PKHD1: variants seen among roughly 807,000 people sequenced by gnomAD.
PKHD1 encodes fibrocystin.
In PKHD1, 291 loss-of-function variants were observed where a neutral mutation model predicts 412.0. The ratio of observed to expected loss-of-function variants is 0.71; its 90% CI spans 0.64 to 0.78. The LOEUF (loss-of-function observed/expected upper bound fraction) is 0.78. Ranked by LOEUF, PKHD1 falls within the 30% of genes least tolerant of loss-of-function variation. The pLI, the probability that PKHD1 is intolerant of heterozygous loss-of-function variation, is 0.00. For synonymous variants in PKHD1, 1,777 were observed against 1,821.5 expected (o/e 0.98, Z 0.62); for missense variants, 4,825 against 4,950.7 (o/e 0.97, Z 0.76).
intron 60 of PKHD1, among the ~76,000 whole-genome samples, chr6:51,705,700 G>A (rs1025912766): frequency 4.6e-5 from 7 of 152,034 alleles, no homozygotes; most frequent in Non-Finnish European, 8.8e-5. Context: ...TTTACTGACA[G>A]CAATTTTCTA....
chr6:52,061,156 AC>A (rs1808610508), intron 14 of PKHD1, among the ~76,000 whole-genome samples: 3 of 152,166 alleles, frequency 2.0e-5, no homozygotes, highest in Admixed American at 2.0e-4. Flanking sequence ...ATTAGGTGCT[AC>A]AATGGACCAC....
In PKHD1 at chr6:51,870,921, G is replaced by GA. The variant is rs575047463; in HGVS notation, c.7351-283dup. Among the ~76,000 whole-genome samples, 103 of 147,096 alleles carry GA rather than the reference G, an allele frequency of 7.0e-4. 1 individual carries two copies. Among genetic ancestry groups the GA allele is most frequent in the South Asian group, 5.1e-3 (24 of 4,696 alleles). On this transcript the variant is annotated intron_variant, in intron 46 of 66. Coordinates refer to ENST00000371117, the MANE Select transcript of PKHD1 (RefSeq NM_138694.4). ...AATATACAGATAGCAAATAAGCACA[G>GA]AAAAAAAAAATGTTCAACATCATTA...
At chr6:51,830,373 T>C (rs1220023008) in intron 52 of PKHD1, among the ~76,000 whole-genome samples, 2 of 152,186 alleles carry the variant, frequency 1.3e-5, no homozygotes, top group African/African-American at 4.8e-5. Context: ...GATACATAGA[T>C]AGGTATTTTT....
intron 60 of PKHD1, among the ~76,000 whole-genome samples, chr6:51,739,752 T>C (rs1020949908): frequency 3.3e-5 from 5 of 152,214 alleles, no homozygotes; most frequent in Non-Finnish European, 7.3e-5. Flanking sequence ...AAGGTGCTCA[T>C]GCAATGCTAG....
At chr6:51,868,142 A>C in intron 47 of PKHD1, 33 bp from the exon 48 acceptor site, 1 of 1,570,076 alleles carries the variant, frequency 6.4e-7, no homozygotes, top group Middle Eastern at 1.7e-4. Flanking sequence ...ATTATTACAC[A>C]ATGGCACAAA....
At position 51,748,027 on chromosome 6, in the gene PKHD1, G is replaced by T; in HGVS notation, c.9589C>A (p.Gln3197Lys). 1 of 1,614,040 alleles carries T rather than the reference G, an allele frequency of 6.2e-7. No individual in the cohort carries two copies. Residue 3197 changes from glutamine to lysine, a missense_variant, in exon 58 of 67, where the codon CAG becomes AAG. Transcript: ENST00000371117. ...SAPQNSVKKV[Q>K]IVLRNSVIVA... ...ATGACTGAATTCCTAAGCACAATCT[G>T]CACTTTTTTGACGGAATTTTGTGGA... is the stretch of plus-strand genomic sequence containing the variant.
At chr6:51,974,025 T>C (rs1239861061) in intron 35 of PKHD1, among the ~76,000 whole-genome samples, 1 of 152,198 alleles carries the variant, frequency 6.6e-6, no homozygotes, top group East Asian at 1.9e-4. Flanking sequence ...TAAAATTTTC[T>C]TGATAGAGCA....
At position 52,061,079 on chromosome 6, in the gene PKHD1, A is replaced by G. The variant is rs73739126; in HGVS notation, c.1119-1037T>C. On this transcript the variant is annotated intron_variant, in intron 14 of 66. Transcript: ENST00000371117. ...TCCTTAACACTCCCAAATACACCAA[A>G]TGCAGCTGAAAGATTTTCCTTTGAA... Among the ~76,000 whole-genome samples, 1,312 of 152,292 alleles carry G rather than the reference A, an allele frequency of 8.6e-3. 21 individuals carry two copies. Among genetic ancestry groups the G allele is most frequent in the African/African-American group, 0.029 (1,215 of 41,544 alleles).
At chr6:51,724,574 A>G (rs181655434) in intron 60 of PKHD1, among the ~76,000 whole-genome samples, 1 of 152,316 alleles carries the variant, frequency 6.6e-6, no homozygotes, top group East Asian at 1.9e-4. Flanking sequence ...ATTACTATCT[A>G]TCTATCTATC....
chr6:52,025,119 T>C lies in PKHD1; in HGVS notation c.4691A>G (p.Asn1564Ser), dbSNP rs1352080720. 2 of 1,614,036 alleles carry C rather than the reference T, an allele frequency of 1.2e-6. No individual in the cohort carries two copies. The highest frequency in any genetic ancestry group is 2.7e-5 in the African/African-American group (2 of 74,912). The change falls in exon 32 of 67, where the codon AAT becomes AGT. Residue 1564 changes from asparagine (N) to serine (S), a missense_variant. By Grantham distance (46) the Asn-to-Ser change is conservative. Transcript: ENST00000371117. Reference sequence around the variant, plus strand: ...CATAATGTAGAAGTGTCTGGAAACATTACCAGAACAAGCATACCCATTTCT... The same window carrying C: ...CATAATGTAGAAGTGTCTGGAAACACTACCAGAACAAGCATACCCATTTCT... ...YTRNGYACSGNVSRHFYIMPQ... is the reference protein window; with the variant it reads ...YTRNGYACSGSVSRHFYIMPQ...
chr6:51,764,702 A>G (rs1788680580), intron 55 of PKHD1, among the ~76,000 whole-genome samples: 2 of 152,162 alleles, frequency 1.3e-5, no homozygotes, highest in African/African-American at 4.8e-5. Flanking sequence ...AAAATTCTTG[A>G]TATTGCCAAT....
At position 51,802,411 on chromosome 6, in the gene PKHD1, T is replaced by C. The variant is rs529212153; in HGVS notation, c.8303-11038A>G. ...CATTGTTAATGAATTCTAACTAACA[T>C]GAGGTTTGGAGATAAAATCCCTCTC... is the stretch of plus-strand genomic sequence containing the variant. On this transcript the variant is annotated intron_variant, in intron 52 of 66. Coordinates refer to ENST00000371117, the MANE Select transcript of PKHD1 (RefSeq NM_138694.4). Among the ~76,000 whole-genome samples, 14 of 151,642 alleles carry C rather than the reference T, an allele frequency of 9.2e-5. No homozygotes were observed. The South Asian group carries it at 2.5e-3, about 27-fold the overall frequency.
At position 52,050,193 on chromosome 6, in the gene PKHD1, G is replaced by A. The variant is rs141622697; in HGVS notation, c.2243C>T (p.Ala748Val). 1.2e-4 allele frequency: 201 copies of A among 1,614,112 alleles called. No homozygotes were observed. The African/African-American group carries it at 2.3e-3, about 18-fold the overall frequency. ...PPVYSVTSWLAGCGTELPLIT... is the reference protein window; with the variant it reads ...PPVYSVTSWLVGCGTELPLIT... Reference sequence around the variant, plus strand: ...GAGCGGGAGCTCCGTGCCACACCCCGCCAGCCAGGAGGTGACACTGTAGAC... The same window carrying A: ...GAGCGGGAGCTCCGTGCCACACCCCACCAGCCAGGAGGTGACACTGTAGAC... Residue 748 changes from alanine to valine, a missense_variant, in exon 22 of 67, where the codon GCG (alanine) becomes GTG (valine). Transcript: ENST00000371117.
chr6:51,834,679 G>T (rs1257596002), intron 51 of PKHD1, among the ~76,000 whole-genome samples: 1 of 152,112 alleles, frequency 6.6e-6, no homozygotes, highest in Non-Finnish European at 1.5e-5. Context: ...ACATACATGA[G>T]AATCAGGCAA....
At chr6:52,044,604 A>T (rs1805481138) in intron 25 of PKHD1, among the ~76,000 whole-genome samples, 1 of 152,194 alleles carries the variant, frequency 6.6e-6, no homozygotes. Context: ...AGAAATATGG[A>T]AAGATAGGAA....
intron 14 of PKHD1, 84 bp downstream of exon 14, chr6:52,062,435 G>A: frequency 7.3e-7 from 1 of 1,369,662 alleles, no homozygotes; most frequent in Non-Finnish European, 1.0e-6. Context: ...TGGAAATCTT[G>A]ATACCTTCCT....
intron 21 of PKHD1, among the ~76,000 whole-genome samples, chr6:52,052,211 G>T (rs1252977104): frequency 6.6e-6 from 1 of 152,148 alleles, no homozygotes; most frequent in African/African-American, 2.4e-5. Context: ...AAGCCACAAG[G>T]GATTTGACAG....
intron 6 of PKHD1, among the ~76,000 whole-genome samples, chr6:52,074,268 T>C (rs1285521418): frequency 6.6e-6 from 1 of 152,252 alleles, no homozygotes; most frequent in Non-Finnish European, 1.5e-5. Context: ...CCCTTCCTAC[T>C]GCACTTGTGT....
intron 54 of PKHD1, 128 bp from the exon 55 acceptor site, chr6:51,772,917 T>C: frequency 1.5e-6 from 1 of 687,776 alleles, no homozygotes; most frequent in South Asian, 1.6e-5. Flanking sequence ...GAAGGTCCCA[T>C]ATTATCAAAA....
Sources: allele counts gnomAD v4.1 joint callset (sites outside exome capture counted in the v4.1 genomes callset), GRCh38; gene constraint gnomAD v4.1.1; transcripts MANE v1.5; gene names NCBI Gene and HGNC (gene_info 2026-07-23, HGNC 2026-07-21).